VPS54: variants seen among roughly 807,000 people sequenced by gnomAD.
VPS54 encodes the protein vacuolar protein sorting-associated protein 54.
A neutral mutation model predicts 121.5 loss-of-function variants in VPS54; 45 were observed. That is an observed-to-expected ratio of 0.37 (90% CI 0.29 to 0.47). VPS54 has a LOEUF of 0.47. Among genes scored for constraint, VPS54 ranks in the 20% least tolerant of loss-of-function variants. The pLI, the probability that VPS54 is intolerant of heterozygous loss-of-function variation, is 0.99. For missense variants in VPS54, 1,090 were observed against 1,131.4 expected (o/e 0.96, Z 0.52); for synonymous variants, 371 against 385.8 (o/e 0.96, Z 0.45).
chr2:63,963,273 A>T (rs925243352), intron 6 of VPS54, among the ~76,000 whole-genome samples: 1 of 152,092 alleles, frequency 6.6e-6, no homozygotes, highest in Non-Finnish European at 1.5e-5. Context: ...ATATTTTTTT[A>T]GTAGCATTAC....
chr2:63,903,674 A>C (rs1672783616), intron 20 of VPS54, among the ~76,000 whole-genome samples: 2 of 152,298 alleles, frequency 1.3e-5, no homozygotes, highest in African/African-American at 4.8e-5. Context: ...GTTCTTACAC[A>C]ATCAGGGAAG....
At chr2:63,996,770 T>TA (rs1274478767) in intron 1 of VPS54, among the ~76,000 whole-genome samples, 3 of 152,178 alleles carry the variant, frequency 2.0e-5, no homozygotes, top group Non-Finnish European at 4.4e-5. Context: ...CCTAGTCTCC[T>TA]GCAGCACCCC....
intron 6 of VPS54, among the ~76,000 whole-genome samples, chr2:63,965,252 G>A (rs528202164): frequency 2.0e-5 from 3 of 152,150 alleles, no homozygotes; most frequent in Admixed American, 6.5e-5. Flanking sequence ...CAAGGTGGGC[G>A]GATCATGAGG....
chr2:63,996,051 CCAGT>C (rs1185146829), intron 1 of VPS54, among the ~76,000 whole-genome samples: 4 of 152,046 alleles, frequency 2.6e-5, no homozygotes, highest in Non-Finnish European at 5.9e-5. Context: ...GTGTGCTGGA[CCAGT>C]CAAAGAATCC....
intron 20 of VPS54, among the ~76,000 whole-genome samples, chr2:63,909,513 G>A (rs563169036): frequency 3.5e-5 from 5 of 140,880 alleles, no homozygotes; most frequent in South Asian, 2.3e-4. Flanking sequence ...CCTCCGCCTC[G>A]TGGGTTCAAG....
intron 1 of VPS54, among the ~76,000 whole-genome samples, chr2:63,999,920 G>C (rs936214775): frequency 7.2e-5 from 11 of 152,014 alleles, no homozygotes; most frequent in Non-Finnish European, 1.0e-4. Flanking sequence ...GAGTGCAATG[G>C]CACGATCTCG....
At chr2:63,906,099 C>T (rs1672893522) in intron 20 of VPS54, among the ~76,000 whole-genome samples, 1 of 152,100 alleles carries the variant, frequency 6.6e-6, no homozygotes, top group South Asian at 2.1e-4. Context: ...AAAGACTGAA[C>T]ATTTTGTCCC....
chr2:63,911,304 G>C (rs1005635636), intron 20 of VPS54, among the ~76,000 whole-genome samples: 1 of 152,106 alleles, frequency 6.6e-6, no homozygotes, highest in Non-Finnish European at 1.5e-5. Context: ...GCATAACATA[G>C]TATAGGTATG....
At chr2:64,012,989 C>T (rs1037724741) in intron 1 of VPS54, among the ~76,000 whole-genome samples, 3 of 152,176 alleles carry the variant, frequency 2.0e-5, no homozygotes, top group African/African-American at 7.2e-5. Context: ...AGAAAAGTTA[C>T]CATTTGTAAT....
At position 63,981,835 on chromosome 2, in the gene VPS54, T is replaced by C; in HGVS notation, c.189A>G (p.Arg63=). 2.5e-6 allele frequency: 4 copies of C among 1,613,624 alleles called. No individual in the cohort carries two copies. Among genetic ancestry groups the C allele is most frequent in the Non-Finnish European group, 3.4e-6 (4 of 1,179,674 alleles). ...TTACTTTGGAATGATATACAGTCCATCTATGTTGATCTGTAACTAGAGATG... is the reference window on the plus strand; with the variant it reads ...TTACTTTGGAATGATATACAGTCCACCTATGTTGATCTGTAACTAGAGATG... ...VAPSLVTDQH[R]WTVYHSKVNL... The change falls in exon 3 of 23, where the codon AGA becomes AGG. Residue 63 remains arginine, a synonymous_variant. Transcript: ENST00000272322.
chr2:64,017,021 T>TTA (rs1203184301), intron 1 of VPS54, among the ~76,000 whole-genome samples: 2 of 100,386 alleles, frequency 2.0e-5, no homozygotes, highest in Non-Finnish European at 4.1e-5. Flanking sequence ...TTTTGTTGAT[T>TTA]AAAAAAAAAA....
At chr2:63,893,559 T>C (rs1165072684) in intron 22 of VPS54, 24 bp from the exon 23 acceptor site, 11 of 1,585,508 alleles carry the variant, frequency 6.9e-6, no homozygotes, top group Non-Finnish European at 7.8e-6. Flanking sequence ...AGAAAATTAT[T>C]TTTTAAATCT....
At chr2:63,937,615 G>A (rs1001321519) in intron 11 of VPS54, among the ~76,000 whole-genome samples, 4 of 152,088 alleles carry the variant, frequency 2.6e-5, no homozygotes, top group Admixed American at 6.6e-5. Context: ...TAGGATGACC[G>A]TATGATCCAG....
intron 18 of VPS54, 121 bp from the exon 19 acceptor site, chr2:63,912,782 A>T: frequency 7.9e-7 from 1 of 1,262,946 alleles, no homozygotes; most frequent in South Asian, 1.5e-5. Flanking sequence ...TTTATTTCAT[A>T]AACGAAGAGC....
intron 22 of VPS54, among the ~76,000 whole-genome samples, chr2:63,895,150 A>G (rs921539961): frequency 1.3e-5 from 2 of 152,176 alleles, no homozygotes; most frequent in African/African-American, 4.8e-5. Context: ...AGGAAAAAAA[A>G]TCACATTAAA....
intron 20 of VPS54, among the ~76,000 whole-genome samples, chr2:63,901,554 T>C (rs948608179): frequency 6.6e-6 from 1 of 152,170 alleles, no homozygotes; most frequent in Non-Finnish European, 1.5e-5. Context: ...CCACTCCCAG[T>C]AGCACAGGTA....
At chr2:64,017,358 AC>A (rs1324763648) in intron 1 of VPS54, among the ~76,000 whole-genome samples, 23 of 109,504 alleles carry the variant, frequency 2.1e-4, no homozygotes, top group East Asian at 9.8e-4. Context: ...AAGAAAAGAA[AC>A]AAAAAAAAAG....
chr2:63,930,737 G>C (rs1228765832), intron 12 of VPS54, among the ~76,000 whole-genome samples: 1 of 152,186 alleles, frequency 6.6e-6, no homozygotes, highest in Non-Finnish European at 1.5e-5. Context: ...TCTGTTTGTA[G>C]ATGACATGAT....
intron 12 of VPS54, among the ~76,000 whole-genome samples, chr2:63,929,631 C>A (rs1487438513): frequency 6.7e-6 from 1 of 149,866 alleles, no homozygotes; most frequent in African/African-American, 2.5e-5. Context: ...CAAACACATT[C>A]AAAAGCTAGC....
Sources: allele counts gnomAD v4.1 joint callset (sites outside exome capture counted in the v4.1 genomes callset), GRCh38; gene constraint gnomAD v4.1.1; transcripts MANE v1.5; gene names NCBI Gene and HGNC (gene_info 2026-07-23, HGNC 2026-07-21).